CCSER1: variants seen among roughly 807,000 people sequenced by gnomAD.
CCSER1 encodes coiled-coil serine rich protein 1.
CCSER1 carries 41 observed loss-of-function variants against 82.0 expected under a neutral mutation model. That is an observed-to-expected ratio of 0.50 (90% CI 0.39 to 0.65). The LOEUF (loss-of-function observed/expected upper bound fraction) is 0.65. CCSER1 is among the 30% of genes least tolerant of loss of function. The probability of loss-of-function intolerance (pLI) is 0.00; values close to 1 mark genes in which losing one functional copy is unlikely to be tolerated. For synonymous variants in CCSER1, 414 were observed against 383.9 expected (o/e 1.08, Z -0.92); for missense variants, 1,119 against 1,064.2 (o/e 1.05, Z -0.72).
Position 90,435,185 on chromosome 4 carries a change from C to T in CCSER1, c.1604-33049C>T, listed in dbSNP as rs377589881. 2.4e-4 allele frequency among the ~76,000 whole-genome samples: 36 copies of T among 152,038 alleles called. No individual in the cohort carries two copies. In the East Asian group the frequency reaches 2.9e-3, roughly 12 times the overall value. ...ACAAGGAAAATAATAAATATATATG[C>T]GTGAAGAATAGGAAGAAAGCTAAAT... On this transcript the variant is annotated intron_variant, in intron 4 of 10. Transcript: ENST00000509176.
chr4:90,976,943 C>T lies in CCSER1; in HGVS notation c.2172+53496C>T, dbSNP rs908767497. Among the ~76,000 whole-genome samples, 6 of 151,530 alleles carry T rather than the reference C, an allele frequency of 4.0e-5. 1 individual carries two copies. The highest frequency in any genetic ancestry group is 1.5e-4 in the African/African-American group (6 of 41,280). ...CTTCTTTTTAGACAAGCATTATTCT[C>T]AGCATTCATTCAGCAGCCTTTGAAA... On this transcript the variant is annotated intron_variant, in intron 9 of 10. Coordinates refer to ENST00000509176, the MANE Select transcript of CCSER1 (RefSeq NM_001145065.2).
intron 6 of CCSER1, among the ~76,000 whole-genome samples, chr4:90,685,830 G>T (rs560439122): frequency 6.6e-6 from 1 of 152,156 alleles, no homozygotes; most frequent in Non-Finnish European, 1.5e-5. Flanking sequence ...CTTTTGGTTT[G>T]ATAGTCAACT....
chr4:91,033,966 A>G (rs140980527), intron 9 of CCSER1, among the ~76,000 whole-genome samples: 3,082 of 152,298 alleles, frequency 0.02, 44 homozygotes, highest in Non-Finnish European at 0.028. Flanking sequence ...CAACAAGGCA[A>G]TAAGAGCTCA....
At chr4:91,008,313 T>G (rs1738699265) in intron 9 of CCSER1, among the ~76,000 whole-genome samples, 1 of 152,208 alleles carries the variant, frequency 6.6e-6, no homozygotes, top group Non-Finnish European at 1.5e-5. Context: ...ATACTGAAGT[T>G]TTCTACTATT....
At position 90,475,008 on chromosome 4, in the gene CCSER1, T is replaced by C. The variant is rs116688188; in HGVS notation, c.1724+6654T>C. The stretch of plus-strand genomic sequence containing the variant: ...ATGGAGAGTCATGATATTCTTTTAA[T>C]TTATGTTGAGTATTATATCAGTTGA... On this transcript the variant is annotated intron_variant, in intron 5 of 10. Transcript: ENST00000509176. 9.8e-3 allele frequency among the ~76,000 whole-genome samples: 1,497 copies of C among 152,260 alleles called. 28 individuals carry two copies. Among genetic ancestry groups the C allele is most frequent in the African/African-American group, 0.034 (1,405 of 41,530 alleles).
At chr4:91,042,083 T>C (rs1208489869) in intron 9 of CCSER1, among the ~76,000 whole-genome samples, 1 of 152,212 alleles carries the variant, frequency 6.6e-6, no homozygotes, top group African/African-American at 2.4e-5. Context: ...TTTTTGTTTG[T>C]GATATGGTTT....
intron 9 of CCSER1, among the ~76,000 whole-genome samples, chr4:91,054,193 G>A (rs898652159): frequency 6.6e-6 from 1 of 152,152 alleles, no homozygotes; most frequent in Admixed American, 6.5e-5. Context: ...TGCCTCTGGA[G>A]CTGTCCGCAA....
intron 10 of CCSER1, among the ~76,000 whole-genome samples, chr4:91,564,722 T>TA (rs760416887): frequency 1.3e-4 from 20 of 152,010 alleles, no homozygotes; most frequent in Non-Finnish European, 2.4e-4. Context: ...TCCCACTTTT[T>TA]AATGCTATTG....
At chr4:90,509,999 T>C (rs1297690550) in intron 5 of CCSER1, among the ~76,000 whole-genome samples, 3 of 152,188 alleles carry the variant, frequency 2.0e-5, no homozygotes, top group Non-Finnish European at 2.9e-5. Context: ...ATGCCCTATA[T>C]CTGTAGTAAT....
At chr4:91,384,679 C>T (rs1043874691) in intron 10 of CCSER1, among the ~76,000 whole-genome samples, 1 of 151,914 alleles carries the variant, frequency 6.6e-6, no homozygotes, top group African/African-American at 2.4e-5. Flanking sequence ...TGAATTGACT[C>T]AATATTCAGA....
chr4:91,403,824 C>T (rs1752503716), intron 10 of CCSER1, among the ~76,000 whole-genome samples: 5 of 152,042 alleles, frequency 3.3e-5, no homozygotes, highest in South Asian at 2.1e-4. Context: ...TTTTTTGCAT[C>T]GATGTTCATC....
intron 10 of CCSER1, among the ~76,000 whole-genome samples, chr4:91,116,320 C>T (rs1726592642): frequency 6.6e-6 from 1 of 152,146 alleles, no homozygotes; most frequent in African/African-American, 2.4e-5. Context: ...AGTGAGAAAC[C>T]ACCATGGAAA....
At chr4:90,267,430 GA>G (rs1725443466) in intron 1 of CCSER1, among the ~76,000 whole-genome samples, 1 of 152,130 alleles carries the variant, frequency 6.6e-6, no homozygotes, top group Non-Finnish European at 1.5e-5. Flanking sequence ...CAACCCTTCA[GA>G]AAAGAACACA....
rs1485897065 is a variant in CCSER1, at chr4:90,394,308, A to G, written c.1510-5728A>G. On this transcript the variant is annotated intron_variant, in intron 3 of 10. Coordinates refer to ENST00000509176, the MANE Select transcript of CCSER1 (RefSeq NM_001145065.2). ...GAGAGACACCATGCCCTTTACATTC[A>G]TTGTCATATCCCTAGAGCTTAGAAA... 3.3e-5 allele frequency among the ~76,000 whole-genome samples: 5 copies of G among 152,162 alleles called. No individual in the cohort carries two copies. The East Asian group carries it at 9.7e-4, about 29-fold the overall frequency.
chr4:90,647,881 T>C (rs1727871907), intron 6 of CCSER1, among the ~76,000 whole-genome samples: 1 of 152,156 alleles, frequency 6.6e-6, no homozygotes, highest in African/African-American at 2.4e-5. Context: ...TAACAATTGG[T>C]ATTTGGCTTA....
At chr4:90,330,498 A>G (rs1078765) in intron 3 of CCSER1, among the ~76,000 whole-genome samples, 99,822 of 151,908 alleles carry the variant, frequency 0.66, 34,300 homozygotes, top group African/African-American at 0.86. Context: ...ATAAAAGTAC[A>G]TAGAAAGTAT....
intron 9 of CCSER1, among the ~76,000 whole-genome samples, chr4:91,051,636 G>T (rs928400402): frequency 6.6e-6 from 1 of 151,996 alleles, no homozygotes; most frequent in African/African-American, 2.4e-5. Context: ...GTCATAGCTG[G>T]GTAAATTGTG....
At chr4:90,173,294 C>T (rs1296675045) in intron 1 of CCSER1, among the ~76,000 whole-genome samples, 3 of 150,794 alleles carry the variant, frequency 2.0e-5, no homozygotes, top group Non-Finnish European at 4.4e-5. Flanking sequence ...AAGAGTAATT[C>T]ATGTTTGTTA....
In CCSER1 at chr4:90,409,248, G is replaced by C. The variant is rs180830400; in HGVS notation, c.1603+9119G>C. 3.3e-3 allele frequency among the ~76,000 whole-genome samples: 506 copies of C among 152,288 alleles called. 3 individuals are homozygous for C. The highest frequency in any genetic ancestry group is 0.012 in the African/African-American group (488 of 41,562). On this transcript the variant is annotated intron_variant, in intron 4 of 10. Transcript: ENST00000509176. ...ACAACTTCCCCAATCTAGCAAGGCA[G>C]GCCAACATTCAAATTCAGGAAATAC...
Sources: gnomAD v4.1 joint callset for allele counts (sites outside exome capture counted in the v4.1 genomes callset) on GRCh38, gnomAD v4.1.1 for gene constraint, MANE v1.5 for transcripts, NCBI Gene and HGNC (gene_info 2026-07-23, HGNC 2026-07-21) for gene names.